Variants in FBH1 observed in about 807,000 individuals in gnomAD.
FBH1 encodes the protein F-box DNA helicase 1.
In FBH1, 43 loss-of-function variants were observed where a neutral mutation model predicts 115.5. The ratio of observed to expected loss-of-function variants is 0.37; its 90% CI spans 0.29 to 0.48. FBH1 has a LOEUF of 0.48. FBH1 is among the 20% of genes least tolerant of loss of function. FBH1 has a pLI of 0.99. For missense variants in FBH1, 1,001 were observed against 1,337.3 expected (o/e 0.75, Z 3.92); for synonymous variants, 524 against 507.8 (o/e 1.03, Z -0.43).
intron 19 of FBH1, among the ~76,000 whole-genome samples, chr10:5,930,386 A>G (rs986548552): frequency 6.6e-6 from 1 of 152,176 alleles, no homozygotes; most frequent in Non-Finnish European, 1.5e-5. Flanking sequence ...GTCTCATTGC[A>G]TAAACTGGGT....
Position 5,921,608 on chromosome 10 carries a change from A to C in FBH1, c.2322+39A>C. 6.3e-7 allele frequency: 1 copy of C among 1,578,470 alleles called. No homozygotes were observed. The highest frequency in any genetic ancestry group is 8.5e-7 in the Non-Finnish European group (1 of 1,171,358). On this transcript the variant is annotated intron_variant, in intron 15 of 20. Transcript: ENST00000362091. The surrounding 1 kb of genome is among the most constrained non-coding windows in gnomAD (Gnocchi z 6.4). Reference sequence around the variant, plus strand: ...TCTGTTGACCACTTCATGCACAGAAACGTTGTAGACGAACATACCCAATGG... The same window carrying C: ...TCTGTTGACCACTTCATGCACAGAACCGTTGTAGACGAACATACCCAATGG...
At chr10:5,920,498 T>C (rs609269) in intron 13 of FBH1, among the ~76,000 whole-genome samples, 129,904 of 152,240 alleles carry the variant, frequency 0.85, 55,509 homozygotes, top group Admixed American at 0.89. Flanking sequence ...AATTCTTCTG[T>C]AAAGGAGATT....
chr10:5,891,237 A>C, intron 1 of FBH1: 1 of 943,120 alleles, frequency 1.1e-6, no homozygotes, highest in Non-Finnish European at 1.3e-6. Context: ...CATGAAGATA[A>C]GTCCGTTTTA....
chr10:5,907,634 T>C (rs936174290), intron 3 of FBH1, among the ~76,000 whole-genome samples: 4 of 152,116 alleles, frequency 2.6e-5, no homozygotes, highest in South Asian at 2.1e-4. Context: ...CCACCATGCC[T>C]GGCTAATTTT....
intron 19 of FBH1, chr10:5,929,806 A>G (rs908223450): frequency 6.6e-6 from 1 of 152,236 alleles, no homozygotes; most frequent in African/African-American, 2.4e-5. Context: ...TCTCTAAACC[A>G]GTACCCCCAG....
chr10:5,897,309 C>G lies in FBH1; in HGVS notation c.2-5711C>G, dbSNP rs967208991. On this transcript the variant is annotated intron_variant, in intron 1 of 20. Coordinates refer to ENST00000362091, the MANE Select transcript of FBH1 (RefSeq NM_178150.3). This position sits in a 1 kb window ranked among gnomAD's most constrained non-coding sequence, Gnocchi z 4.7. Reference sequence around the variant, plus strand: ...TATACCTGCCAAGTGTGGGTCTTCTCCTGCACCCCACAGCCTCGGAGGGGC... The same window carrying G: ...TATACCTGCCAAGTGTGGGTCTTCTGCTGCACCCCACAGCCTCGGAGGGGC... Among the ~76,000 whole-genome samples the G allele has an allele frequency of 6.6e-6, 1 of 152,136 alleles. No individual in the cohort carries two copies. Among genetic ancestry groups the G allele is most frequent in the African/African-American group, 2.4e-5 (1 of 41,412 alleles).
chr10:5,913,746 G>T lies in FBH1; in HGVS notation c.1212-1G>T. 1 of 1,541,656 alleles carries T rather than the reference G, an allele frequency of 6.5e-7. No individual in the cohort carries two copies. The highest frequency in any genetic ancestry group is 2.4e-5 in the Admixed American group (1 of 41,220). On this transcript the variant is annotated splice_acceptor_variant, in intron 6 of 20. Transcript: ENST00000362091. LOFTEE classifies it high-confidence loss of function. This position sits in a 1 kb window ranked among gnomAD's most constrained non-coding sequence, Gnocchi z 4.4. ...TCTAAATCTACTTTTTTTTCTGGTAGGATTCACTACAACATTTTCTATTGC... is the reference window on the plus strand; with the variant it reads ...TCTAAATCTACTTTTTTTTCTGGTATGATTCACTACAACATTTTCTATTGC...
Position 5,913,223 on chromosome 10 carries a change from A to G in FBH1, c.1212-524A>G, listed in dbSNP as rs1004572214. 1.3e-5 allele frequency among the ~76,000 whole-genome samples: 2 copies of G among 152,228 alleles called. No homozygotes were observed. Among genetic ancestry groups the G allele is most frequent in the Non-Finnish European group, 2.9e-5 (2 of 68,042 alleles). ...TACTGTTTTCAGGTCCTTAGTAGTC[A>G]GATCTTGTTATCCATAGTGTAGTCC... On this transcript the variant is annotated intron_variant, in intron 6 of 20. Transcript: ENST00000362091. This position sits in a 1 kb window ranked among gnomAD's most constrained non-coding sequence, Gnocchi z 4.4.
In FBH1 at chr10:5,936,407, C is replaced by G. The variant is rs377591317; in HGVS notation, c.2830-49C>G. On this transcript the variant is annotated intron_variant, in intron 19 of 20. Coordinates refer to ENST00000362091, the MANE Select transcript of FBH1 (RefSeq NM_178150.3). The surrounding 1 kb of genome is among the most constrained non-coding windows in gnomAD (Gnocchi z 5.6). ...GCCGCTATCAGTGTTTCCAGTAGAC[C>G]CTAACGGAGGTGTCGCCATGACTCT... The G allele has an allele frequency of 4.4e-6, 7 of 1,601,122 alleles. No homozygotes were observed. In the African/African-American group the frequency reaches 9.4e-5, roughly 21 times the overall value.
chr10:5,890,293 C>T lies in FBH1; in HGVS notation c.-53C>T, dbSNP rs1221341874. Reference sequence around the variant, plus strand: ...GCCGGGGGACGCTGGGCTGAGCGGCCGGCGGCGCGGGCCCGGCGGCGGCGG... The same window carrying T: ...GCCGGGGGACGCTGGGCTGAGCGGCTGGCGGCGCGGGCCCGGCGGCGGCGG... On this transcript the variant is annotated 5_prime_UTR_variant, in exon 1 of 21. Coordinates refer to ENST00000362091, the MANE Select transcript of FBH1 (RefSeq NM_178150.3). 1 of 372,512 alleles carries T rather than the reference C, an allele frequency of 2.7e-6. No homozygotes were observed. Among genetic ancestry groups the T allele is most frequent in the Non-Finnish European group, 5.0e-6 (1 of 199,858 alleles). The allele number at this position is 372,512 out of a possible 1,614,324, so 23.1% of individuals were successfully genotyped here.
chr10:5,894,817 A>G (rs983849536), intron 1 of FBH1, among the ~76,000 whole-genome samples: 1 of 152,240 alleles, frequency 6.6e-6, no homozygotes, highest in East Asian at 1.9e-4. Flanking sequence ...TATTAAATAC[A>G]GACTTATACA....
chr10:5,908,899 ATTTT>A, intron 3 of FBH1, 22 bp from the exon 4 acceptor site: 1 of 1,612,118 alleles, frequency 6.2e-7, no homozygotes, highest in Non-Finnish European at 8.5e-7. Context: ...GCCTCATGTT[ATTTT>A]GTTTGTTTTT....
At chr10:5,916,166 T>G (rs777574248) in intron 9 of FBH1, 68 bp from the exon 10 acceptor site, 4 of 1,358,158 alleles carry the variant, frequency 2.9e-6, no homozygotes, top group Non-Finnish European at 4.2e-6. Flanking sequence ...TTAGAGAGAA[T>G]GGAGGGGACG....
In FBH1 at chr10:5,936,654, T is replaced by C; in HGVS notation, c.2961+67T>C. 2.5e-6 allele frequency: 4 copies of C among 1,591,350 alleles called. No individual in the cohort carries two copies. In the South Asian group the frequency reaches 4.4e-5, roughly 18 times the overall value. ...TTTTTGCTTGTGAGCTCTGTGCTTA[T>C]CTGGGTTGTAGGTGAGGAGATAAGA... On this transcript the variant is annotated intron_variant, in intron 20 of 20. Coordinates refer to ENST00000362091, the MANE Select transcript of FBH1 (RefSeq NM_178150.3). This position sits in a 1 kb window ranked among gnomAD's most constrained non-coding sequence, Gnocchi z 5.6.
At chr10:5,905,213 C>T (rs1185816487) in intron 2 of FBH1, 1 of 152,176 alleles carries the variant, frequency 6.6e-6, no homozygotes, top group Non-Finnish European at 1.5e-5. Context: ...GTGTCACCTT[C>T]ACAGGAAGAA....
chr10:5,937,327 C>G lies in FBH1; in HGVS notation c.*47C>G. On this transcript the variant is annotated 3_prime_UTR_variant, in exon 21 of 21. Coordinates refer to ENST00000362091, the MANE Select transcript of FBH1 (RefSeq NM_178150.3). ...CAGTGCAGAGCAGCTTGCCGAGGAC[C>G]CCGCGTGAAGAAAGCCAGCGAGGGG... The G allele has an allele frequency of 6.9e-7, 1 of 1,441,698 alleles. No homozygotes were observed. Among genetic ancestry groups the G allele is most frequent in the Non-Finnish European group, 9.2e-7 (1 of 1,089,734 alleles). 89.3% of individuals were successfully genotyped at this position (1,441,698 alleles called of 1,614,324 possible). A position where few individuals can be genotyped will look rare whatever the true frequency, so the allele number is the denominator to read the frequency against.
chr10:5,929,624 T>A (rs1176383758), intron 19 of FBH1: 2 of 152,244 alleles, frequency 1.3e-5, no homozygotes, highest in Non-Finnish European at 2.9e-5. Context: ...TGATCTCTGT[T>A]GCAGCTACCC....
At chr10:5,927,015 C>A (rs535710657) in intron 18 of FBH1, among the ~76,000 whole-genome samples, 2 of 152,320 alleles carry the variant, frequency 1.3e-5, no homozygotes, top group South Asian at 4.1e-4. Flanking sequence ...TGGAAAGAGA[C>A]GAGCAGACTC....
At chr10:5,892,234 C>G (rs2131814310) in intron 1 of FBH1, among the ~76,000 whole-genome samples, 1 of 152,282 alleles carries the variant, frequency 6.6e-6, no homozygotes, top group Middle Eastern at 3.4e-3. Context: ...ATGTAGTCGT[C>G]ATTGGCACCG....
Sources: allele counts gnomAD v4.1 joint callset (sites outside exome capture counted in the v4.1 genomes callset), GRCh38; gene constraint gnomAD v4.1.1; non-coding constraint Gnocchi (gnomAD v3.1); transcripts MANE v1.5; gene names NCBI Gene and HGNC (gene_info 2026-07-23, HGNC 2026-07-21).